ZNF318: variants seen among roughly 807,000 people sequenced by gnomAD.
ZNF318 encodes zinc finger protein 318.
Under a neutral mutation model 124.2 loss-of-function variants are expected in ZNF318, and 51 were observed. The observed-to-expected ratio is 0.41, with a 90% CI of 0.33 to 0.52. ZNF318 has a LOEUF of 0.52. Ranked by LOEUF, ZNF318 falls within the 20% of genes least tolerant of loss-of-function variation. The probability of loss-of-function intolerance (pLI) is 0.23; values close to 1 mark genes in which losing one functional copy is unlikely to be tolerated. For missense variants in ZNF318, 2,815 were observed against 2,811.2 expected, an observed-to-expected ratio of 1.00 and a Z score of -0.03; for synonymous variants, 1,090 against 1,040.7, an observed-to-expected ratio of 1.05 and a Z score of -0.91.
chr6:43,347,462 G>A (rs1026832737), intron 6 of ZNF318, among the ~76,000 whole-genome samples: 8 of 152,228 alleles, frequency 5.3e-5, no homozygotes, highest in Non-Finnish European at 1.5e-5. Context: ...GATTGCATAT[G>A]GAGCAGTTAG....
rs1464603054 is a variant in ZNF318, at chr6:43,369,312, G to A, written c.54C>T (p.Asp18=). The stretch of plus-strand genomic sequence containing the variant: ...GGCCGCTGCGCGGGCCGCCCCCGCC[G>A]TCGTCTTTAGGCCGGTGGGAAGAGA... ...SSVSSHRPKD[D]GGGGPRSGRS... The change falls in exon 1 of 10, where the codon GAC becomes GAT. Residue 18 remains aspartate (D), a synonymous_variant. Transcript: ENST00000361428. The A allele has an allele frequency of 7.4e-7, 1 of 1,347,610 alleles. No individual in the cohort carries two copies. Among genetic ancestry groups the A allele is most frequent in the Non-Finnish European group, 9.6e-7 (1 of 1,042,444 alleles). 83.5% of individuals were successfully genotyped at this position (1,347,610 alleles called of 1,614,324 possible).
At chr6:43,368,113 G>A (rs1779786386) in intron 1 of ZNF318, among the ~76,000 whole-genome samples, 1 of 152,204 alleles carries the variant, frequency 6.6e-6, no homozygotes, top group African/African-American at 2.4e-5. Context: ...TCTTGGGGTG[G>A]TGGTTATGGT....
intron 2 of ZNF318, 59 bp from the exon 3 acceptor site, chr6:43,357,824 A>G: frequency 6.8e-7 from 1 of 1,468,016 alleles, no homozygotes; most frequent in Non-Finnish European, 9.1e-7. Context: ...AGAGCAGACA[A>G]GGCTAAGAGA....
chr6:43,342,704 G>A lies in ZNF318; in HGVS notation c.3248C>T (p.Thr1083Ile), dbSNP rs1342718052. The A allele has an allele frequency of 1.2e-6, 2 of 1,614,116 alleles. No individual in the cohort carries two copies. Among genetic ancestry groups the A allele is most frequent in the East Asian group, 2.2e-5 (1 of 44,902 alleles). Reference protein sequence around the residue: ...TICGTMFDFFTHMHNKKHTQT... With the variant: ...TICGTMFDFFIHMHNKKHTQT... ...TGTGTGCTTCTTATTGTGCATATGAGTGAAGAAATCAAACATGGTCCCACA... is the reference window on the plus strand; with the variant it reads ...TGTGTGCTTCTTATTGTGCATATGAATGAAGAAATCAAACATGGTCCCACA... The change falls in exon 7 of 10, where the codon ACT becomes ATT. Residue 1083 changes from threonine (T) to isoleucine (I), a missense_variant. By Grantham distance (89) the Thr-to-Ile change is moderately conservative. This residue lies in a region of ZNF318 where 500 missense variants were observed against 605.2 expected (regional missense o/e 0.83). Coordinates refer to ENST00000361428, the MANE Select transcript of ZNF318 (RefSeq NM_014345.3).
In ZNF318 at chr6:43,340,350, C is replaced by CT; in HGVS notation, c.3647dup (p.Ala1217GlyfsTer11). On this transcript the variant is annotated frameshift_variant, in exon 10 of 10. Transcript: ENST00000361428. LOFTEE classifies it high-confidence loss of function. Reference sequence around the variant, plus strand: ...CCTTTACTTCTTTCACAGCCTTTGCCTTTTTTTCTTTCTTCTCCTCCTTTG... The same window carrying CT: ...CCTTTACTTCTTTCACAGCCTTTGCCTTTTTTTTCTTTCTTCTCCTCCTTTG... 2 of 1,614,028 alleles carry CT rather than the reference C, an allele frequency of 1.2e-6. No individual in the cohort carries two copies. The highest frequency in any genetic ancestry group is 8.5e-7 in the Non-Finnish European group (1 of 1,180,008).
rs113486749 is a variant in ZNF318 at position 43,336,930 on chromosome 6, GAT to G, written c.*226_*227del. On this transcript the variant is annotated 3_prime_UTR_variant, in exon 10 of 10. Transcript: ENST00000361428. ...AAAATTAACAAAATACATTTTTACA[GAT>G]ATATATATATATATATAAGTTGTTA... The G allele has an allele frequency of 6.9e-3, 1,405 of 202,648 alleles. No individual in the cohort carries two copies. Among genetic ancestry groups the G allele is most frequent in the Middle Eastern group, 0.015 (10 of 660 alleles). 12.6% of individuals were successfully genotyped at this position (202,648 alleles called of 1,614,324 possible).
At chr6:43,351,628 G>A (rs1044086018) in intron 5 of ZNF318, among the ~76,000 whole-genome samples, 1 of 152,098 alleles carries the variant, frequency 6.6e-6, no homozygotes, top group African/African-American at 2.4e-5. Context: ...AGGTGTGGTG[G>A]CACACACCTG....
intron 6 of ZNF318, among the ~76,000 whole-genome samples, chr6:43,347,402 G>A (rs1779462106): frequency 1.3e-5 from 2 of 152,198 alleles, no homozygotes; most frequent in East Asian, 1.9e-4. Context: ...ATGATAAGGT[G>A]CATGGAATCG....
intron 6 of ZNF318, among the ~76,000 whole-genome samples, chr6:43,345,578 G>C (rs950494577): frequency 2.6e-5 from 4 of 152,068 alleles, no homozygotes; most frequent in African/African-American, 7.2e-5. Flanking sequence ...AAGGACCAGA[G>C]CTTTTAAATT....
chr6:43,365,098 A>T (rs1358658544), intron 2 of ZNF318, among the ~76,000 whole-genome samples, 194 bp downstream of exon 2: 1 of 152,210 alleles, frequency 6.6e-6, no homozygotes, highest in Non-Finnish European at 1.5e-5. Flanking sequence ...CAATTTATTC[A>T]ACAACAGAGT....
intron 2 of ZNF318, among the ~76,000 whole-genome samples, chr6:43,359,669 A>G (rs765610025): frequency 3.3e-5 from 5 of 152,180 alleles, no homozygotes; most frequent in Admixed American, 2.0e-4. Context: ...AGACTATGCC[A>G]GCAGAATCTC....
intron 4 of ZNF318, among the ~76,000 whole-genome samples, chr6:43,353,502 G>A (rs987622972): frequency 2.6e-5 from 4 of 151,812 alleles, no homozygotes; most frequent in Non-Finnish European, 2.9e-5. Flanking sequence ...AGCCTCCTGA[G>A]TAGCTGGGAC....
At chr6:43,363,746 C>T in intron 2 of ZNF318, 1 of 609,052 alleles carries the variant, frequency 1.6e-6, no homozygotes, top group Non-Finnish European at 2.9e-6. Context: ...AAGATTATGC[C>T]AGTGCAGAAG....
Position 43,337,435 on chromosome 6 carries a change from C to G in ZNF318, c.6563G>C (p.Cys2188Ser). Reference sequence around the variant, plus strand: ...GTCACCTGGCTCAGAGAGTGGAGAACACAGTTTATCTTTTTGAACTCCAGA... The same window carrying G: ...GTCACCTGGCTCAGAGAGTGGAGAAGACAGTTTATCTTTTTGAACTCCAGA... The part of the protein sequence containing the change: ...RTSGVQKDKL[C>S]SPLSEPGDPS... The change falls in exon 10 of 10, where the codon TGT becomes TCT. Residue 2188 changes from cysteine (C) to serine (S), a missense_variant. Transcript: ENST00000361428. 3 of 1,614,156 alleles carry G rather than the reference C, an allele frequency of 1.9e-6. No homozygotes were observed. The South Asian group carries it at 3.3e-5, about 18-fold the overall frequency.
chr6:43,354,984 G>A lies in ZNF318; in HGVS notation c.2350C>T (p.Pro784Ser), dbSNP rs1377554470. ...CTATAGGCATCAAAAGAGGCAGGGG[G>A]AATGGCAGGTCCCTGGTAGTTCGGA... ...IPPNYQGPAI[P>S]PASFDAYRHY... is the part of the protein sequence containing the mutation. The change falls in exon 4 of 10, where the codon CCC becomes TCC. Residue 784 changes from proline to serine, a missense_variant. Pro to Ser is a moderately conservative substitution (Grantham distance 74). Around this residue, in one of 4 missense-constraint regions of ZNF318, gnomAD observed 1,377 missense variants for 1,353.5 expected, o/e 1.02. Coordinates refer to ENST00000361428, the MANE Select transcript of ZNF318 (RefSeq NM_014345.3). The A allele has an allele frequency of 6.2e-7, 1 of 1,610,278 alleles. No individual in the cohort carries two copies. Among genetic ancestry groups the A allele is most frequent in the Non-Finnish European group, 8.5e-7 (1 of 1,177,834 alleles).
Position 43,337,543 on chromosome 6 carries a change from C to G in ZNF318, c.6455G>C (p.Gly2152Ala). The G allele has an allele frequency of 1.9e-6, 3 of 1,614,086 alleles. No homozygotes were observed. Among genetic ancestry groups the G allele is most frequent in the Non-Finnish European group, 2.5e-6 (3 of 1,179,980 alleles). ...SSQLDKQESL[G>A]LELKTINSAG... ...AGAATTAATTGTTTTTAATTCCAAT[C>G]CGAGTGACTCTTGTTTGTCTAATTG... Residue 2152 changes from glycine to alanine, a missense_variant, in exon 10 of 10, where the codon GGA becomes GCA. By Grantham distance (60) the Gly-to-Ala change is moderately conservative. Coordinates refer to ENST00000361428, the MANE Select transcript of ZNF318 (RefSeq NM_014345.3).
rs1048344380 is a variant in ZNF318, at chr6:43,369,427, G to A, written c.-62C>T. ...CCGGGGGCGCCCTAGACGCAGGCTCGGAGCGCGCCGCCGCAGCTGCAGCCG... is the reference window on the plus strand; with the variant it reads ...CCGGGGGCGCCCTAGACGCAGGCTCAGAGCGCGCCGCCGCAGCTGCAGCCG... On this transcript the variant is annotated 5_prime_UTR_variant, in exon 1 of 10. Transcript: ENST00000361428. 3.7e-4 allele frequency: 421 copies of A among 1,141,278 alleles called. 2 individuals are homozygous for A. The African/African-American group carries it at 3.8e-3, about 10-fold the overall frequency. 70.7% of individuals were successfully genotyped at this position (1,141,278 alleles called of 1,614,324 possible).
chr6:43,340,188 T>A lies in ZNF318; in HGVS notation c.3810A>T (p.Ser1270=). ...TCCAGCTGAATTTCCCAAAAGAAGA[T>A]GATGTTGGTGATTCCTTCTTTACCT... ...KEEVKKESPT[S]SSFGKFSWKK... Residue 1270 remains serine, a synonymous_variant, in exon 10 of 10, where the codon TCA becomes TCT. Coordinates refer to ENST00000361428, the MANE Select transcript of ZNF318 (RefSeq NM_014345.3). The A allele has an allele frequency of 1.2e-6, 2 of 1,614,168 alleles. No homozygotes were observed. The highest frequency in any genetic ancestry group is 1.7e-6 in the Non-Finnish European group (2 of 1,180,022).
chr6:43,344,375 A>G (rs1275099601), intron 6 of ZNF318, among the ~76,000 whole-genome samples: 1 of 152,212 alleles, frequency 6.6e-6, no homozygotes, highest in African/African-American at 2.4e-5. Flanking sequence ...ATCATGTCAA[A>G]CAACAGGTGA....
Sources: gnomAD v4.1 joint callset for allele counts (sites outside exome capture counted in the v4.1 genomes callset) on GRCh38, gnomAD v4.1.1 for gene constraint, gnomAD v4.1.1 regional missense constraint, MANE v1.5 for transcripts, NCBI Gene and HGNC (gene_info 2026-07-23, HGNC 2026-07-21) for gene names.